HSD11B1: variants seen among roughly 807,000 people sequenced by gnomAD.
HSD11B1 encodes the protein hydroxysteroid 11-beta dehydrogenase 1.
In HSD11B1, 15 loss-of-function variants were observed where a neutral mutation model predicts 22.1. The observed-to-expected ratio is 0.68, with a 90% CI of 0.45 to 1.04. The LOEUF (loss-of-function observed/expected upper bound fraction) is 1.04, where lower values mean the gene tolerates loss of function less well. Among genes scored for constraint, HSD11B1 ranks in the 50% least tolerant of loss-of-function variants. The pLI, the probability that HSD11B1 is intolerant of heterozygous loss-of-function variation, is 0.00. For synonymous variants in HSD11B1, 122 were observed against 125.2 expected (o/e 0.97, Z 0.17); for missense variants, 281 against 357.6 (o/e 0.79, Z 1.73).
chr1:209,696,074 A>G (rs7543025), intron 1 of HSD11B1, among the ~76,000 whole-genome samples: 111,136 of 152,090 alleles, frequency 0.73, 42,978 homozygotes, highest in Non-Finnish European at 0.86. Context: ...GAATCTCAAA[A>G]ACATGTTAAG....
chr1:209,704,563 A>T (rs1004359979), upstream of HSD11B1, among the ~76,000 whole-genome samples: 1 of 151,996 alleles, frequency 6.6e-6, no homozygotes, highest in African/African-American at 2.4e-5. Flanking sequence ...TCTGTCTTTG[A>T]CAAATTACTT....
chr1:209,728,830 T>G (rs2077018702), intron 4 of HSD11B1, among the ~76,000 whole-genome samples: 1 of 152,178 alleles, frequency 6.6e-6, no homozygotes, highest in Admixed American at 6.5e-5. Context: ...TTTGAGACAC[T>G]CCAACAAAAT....
At chr1:209,724,235 C>A (rs2076986464) in intron 4 of HSD11B1, 1 of 152,252 alleles carries the variant, frequency 6.6e-6, no homozygotes, top group South Asian at 2.1e-4. Context: ...AGTCAGACCC[C>A]AGTCCTCCTT....
chr1:209,729,969 G>A (rs191576248), intron 4 of HSD11B1, among the ~76,000 whole-genome samples: 10 of 152,152 alleles, frequency 6.6e-5, no homozygotes, highest in African/African-American at 1.7e-4. Context: ...GGTATAGAAG[G>A]GATATACCTC....
intron 1 of HSD11B1, among the ~76,000 whole-genome samples, chr1:209,699,251 G>A (rs1471643232): frequency 6.6e-6 from 1 of 152,030 alleles, no homozygotes; most frequent in Non-Finnish European, 1.5e-5. Context: ...AAGAAAGGGA[G>A]AATCTTATGC....
At chr1:209,731,678 T>A (rs1324460900) in intron 4 of HSD11B1, among the ~76,000 whole-genome samples, 2 of 152,160 alleles carry the variant, frequency 1.3e-5, no homozygotes, top group East Asian at 1.9e-4. Flanking sequence ...ACATTTTTTT[T>A]AAAAAGCGGC....
At chr1:209,697,678 T>C (rs2076798588) in intron 1 of HSD11B1, among the ~76,000 whole-genome samples, 1 of 152,122 alleles carries the variant, frequency 6.6e-6, no homozygotes, top group Non-Finnish European at 1.5e-5. Context: ...GGGCTGTTTG[T>C]GGCCAGGATG....
intron 4 of HSD11B1, among the ~76,000 whole-genome samples, chr1:209,711,397 T>C (rs537834585): frequency 1.3e-5 from 2 of 152,150 alleles, no homozygotes; most frequent in Non-Finnish European, 2.9e-5. Context: ...AAAGGGGCAA[T>C]TTATCCCTTG....
intron 4 of HSD11B1, among the ~76,000 whole-genome samples, chr1:209,707,530 T>C (rs1029352132): frequency 1.3e-5 from 2 of 151,996 alleles, no homozygotes; most frequent in Middle Eastern, 3.2e-3. Context: ...GGGGGGTGAT[T>C]TGTGGACTCA....
At chr1:209,725,980 T>G (rs970364576) in intron 4 of HSD11B1, among the ~76,000 whole-genome samples, 1 of 152,202 alleles carries the variant, frequency 6.6e-6, no homozygotes, top group South Asian at 2.1e-4. Flanking sequence ...CAATAAAGGC[T>G]AATCGTTTTT....
intron 1 of HSD11B1, among the ~76,000 whole-genome samples, chr1:209,693,365 T>C (rs2076772689): frequency 6.6e-6 from 1 of 152,196 alleles, no homozygotes; most frequent in African/African-American, 2.4e-5. Context: ...CATTTGAGAA[T>C]TTAAGTTCCC....
At chr1:209,703,379 G>T (rs2102366711), upstream of HSD11B1, among the ~76,000 whole-genome samples, 1 of 152,154 alleles carries the variant, frequency 6.6e-6, no homozygotes, top group Middle Eastern at 3.4e-3. Context: ...ATATATCCTG[G>T]TATCATAAAT....
Position 209,705,935 on chromosome 1 carries a change from A to G in HSD11B1, c.213A>G (p.Leu71=), listed in dbSNP as rs1571872166. 1 of 1,613,862 alleles carries G rather than the reference A, an allele frequency of 6.2e-7. No homozygotes were observed. The highest frequency in any genetic ancestry group is 1.1e-5 in the South Asian group (1 of 91,078). ...VVVTARSKET[L]QKVVSHCLEL... ...TGACAGCGAGGTCAAAAGAAACTCT[A>G]CAGAAGGTGAGGGTTCTATGCTCGC... is the stretch of plus-strand genomic sequence containing the variant. Residue 71 remains leucine (L), a synonymous_variant, in exon 2 of 6, where the codon CTA becomes CTG. Transcript: ENST00000367027.
At chr1:209,696,822 C>G (rs2076793978) in intron 1 of HSD11B1, among the ~76,000 whole-genome samples, 1 of 152,176 alleles carries the variant, frequency 6.6e-6, no homozygotes, top group Non-Finnish European at 1.5e-5. Flanking sequence ...TATAGGGCAG[C>G]CCAATAACAT....
upstream of HSD11B1, among the ~76,000 whole-genome samples, chr1:209,702,328 A>C (rs561221274): frequency 6.6e-6 from 1 of 152,286 alleles, no homozygotes; most frequent in East Asian, 1.9e-4. Context: ...AAACACTAAA[A>C]CAGCAAGTTT....
rs544513165 is a variant in HSD11B1 at position 209,734,711 on chromosome 1, T to C, written c.*190T>C. 1 of 575,252 alleles carries C rather than the reference T, an allele frequency of 1.7e-6. No homozygotes were observed. Among genetic ancestry groups the C allele is most frequent in the East Asian group, 3.1e-5 (1 of 32,764 alleles). 35.6% of individuals were successfully genotyped at this position (575,252 alleles called of 1,614,324 possible). ...GGAAATGTAATAATAATGAATGTCA[T>C]GCACCGCTGCAGCCAGCAGTTGTAA... On this transcript the variant is annotated 3_prime_UTR_variant, in exon 6 of 6. Coordinates refer to ENST00000367027, the MANE Select transcript of HSD11B1 (RefSeq NM_005525.4).
At chr1:209,709,864 C>T (rs1434893943) in intron 4 of HSD11B1, among the ~76,000 whole-genome samples, 2 of 152,050 alleles carry the variant, frequency 1.3e-5, no homozygotes, top group Non-Finnish European at 2.9e-5. Flanking sequence ...CTAGCAATCT[C>T]TCCCACATCA....
intron 4 of HSD11B1, among the ~76,000 whole-genome samples, chr1:209,708,209 T>G (rs1261602938): frequency 6.6e-6 from 1 of 152,186 alleles, no homozygotes; most frequent in African/African-American, 2.4e-5. Flanking sequence ...CCACACATCT[T>G]TGTTGATTAG....
intron 1 of HSD11B1, among the ~76,000 whole-genome samples, chr1:209,692,610 G>GGGT (rs1553286712): frequency 6.7e-5 from 8 of 119,752 alleles, no homozygotes; most frequent in African/African-American, 2.2e-4. Flanking sequence ...AAAATGGCGG[G>GGGT]GGGGGGGGTG....
Sources: gnomAD v4.1 joint callset for allele counts (sites outside exome capture counted in the v4.1 genomes callset) on GRCh38, gnomAD v4.1.1 for gene constraint, MANE v1.5 for transcripts, NCBI Gene and HGNC (gene_info 2026-07-23, HGNC 2026-07-21) for gene names.